Variants in NRG1 observed in about 807,000 individuals in gnomAD.
NRG1 encodes pro-neuregulin-1, membrane-bound isoform.
In NRG1, 18 loss-of-function variants were observed where a neutral mutation model predicts 63.8. The observed-to-expected ratio is 0.28, with a 90% CI of 0.19 to 0.42. The LOEUF (loss-of-function observed/expected upper bound fraction) is 0.42. Among genes scored for constraint, NRG1 ranks in the 10% least tolerant of loss-of-function variants. The pLI, the probability that NRG1 is intolerant of heterozygous loss-of-function variation, is 1.00. For synonymous variants in NRG1, 302 were observed against 301.3 expected, an observed-to-expected ratio of 1.00 and a Z score of -0.02; for missense variants, 762 against 814.7, an observed-to-expected ratio of 0.94 and a Z score of 0.79.
chr8:32,673,175 C>T (rs188540689), intron 5 of NRG1, among the ~76,000 whole-genome samples: 124 of 152,210 alleles, frequency 8.1e-4, no homozygotes, highest in African/African-American at 2.6e-3. Context: ...GAGCAAATAC[C>T]GCTGATCTAG....
In NRG1 at chr8:32,412,438, A is replaced by G. The variant is rs1318100541; in HGVS notation, c.38-183390A>G. ...TCTCTCTCTACATATATATATATAT[A>G]TATATATATATATACATATATATAT... On this transcript the variant is annotated intron_variant, in intron 1 of 10. Transcript: ENST00000519301. Among the ~76,000 whole-genome samples, 62 of 44,126 alleles carry G rather than the reference A, an allele frequency of 1.4e-3. 1 individual carries two copies. Among genetic ancestry groups the G allele is most frequent in the African/African-American group, 3.1e-3 (51 of 16,584 alleles). The allele number at this position is 44,126 out of a possible 152,430, so 28.9% of individuals were successfully genotyped here.
intron 1 of NRG1, among the ~76,000 whole-genome samples, chr8:32,230,514 A>G (rs1043504883): frequency 6.6e-6 from 1 of 152,170 alleles, no homozygotes; most frequent in African/African-American, 2.4e-5. Flanking sequence ...AACTCAGGGA[A>G]GTTAATCCTG....
intron 1 of NRG1, among the ~76,000 whole-genome samples, chr8:32,370,974 G>A (rs988078897): frequency 4.6e-5 from 7 of 151,714 alleles, no homozygotes; most frequent in African/African-American, 1.7e-4. Flanking sequence ...CACTTTAGGA[G>A]GCTGAGGCAG....
chr8:32,251,971 ATGTT>A (rs1419739054), intron 1 of NRG1, among the ~76,000 whole-genome samples: 2 of 151,940 alleles, frequency 1.3e-5, no homozygotes, highest in Non-Finnish European at 2.9e-5. Context: ...ATTTTTTCAT[ATGTT>A]TGTTAGCCAC....
chr8:32,187,720 AG>A (rs1842100285), intron 1 of NRG1, among the ~76,000 whole-genome samples: 1 of 151,840 alleles, frequency 6.6e-6, no homozygotes, highest in Admixed American at 6.6e-5. Context: ...AAGGTAGAGG[AG>A]GGGTGGCGCA....
Position 31,993,147 on chromosome 8 carries a change from C to G in NRG1, c.37+353716C>G, listed in dbSNP as rs562337265. ...AGTTACAAAGTCTGTGGGGTTGACT[C>G]GAGTAGAGGGTGGTTGATCAGTGTA... On this transcript the variant is annotated intron_variant, in intron 1 of 10. Transcript: ENST00000519301. 9.2e-5 allele frequency among the ~76,000 whole-genome samples: 14 copies of G among 151,926 alleles called. 1 individual carries two copies. In the South Asian group the frequency reaches 2.9e-3, roughly 32 times the overall value.
At chr8:32,508,879 C>T (rs1292143794) in intron 1 of NRG1, among the ~76,000 whole-genome samples, 1 of 151,660 alleles carries the variant, frequency 6.6e-6, no homozygotes, top group Non-Finnish European at 1.5e-5. Context: ...GGACTATAGG[C>T]ACACACCACC....
chr8:32,544,052 T>C (rs1832822519), upstream of NRG1, among the ~76,000 whole-genome samples: 1 of 152,194 alleles, frequency 6.6e-6, no homozygotes, highest in African/African-American at 2.4e-5. Context: ...TTGTGTGTAT[T>C]CCTTTTGATT....
At chr8:31,838,303 T>A (rs938229834) in intron 1 of NRG1, among the ~76,000 whole-genome samples, 1 of 152,142 alleles carries the variant, frequency 6.6e-6, no homozygotes, top group Non-Finnish European at 1.5e-5. Flanking sequence ...TTCCATGGAA[T>A]CTGCCTATTC....
intron 1 of NRG1, among the ~76,000 whole-genome samples, chr8:32,196,943 CTT>C (rs773398472): frequency 1.6e-3 from 44 of 27,422 alleles, no homozygotes; most frequent in South Asian, 2.7e-3. Context: ...TCAGAACATT[CTT>C]TTTTTTTTTT....
intron 1 of NRG1, among the ~76,000 whole-genome samples, chr8:31,714,133 CTA>C (rs1471319484): frequency 6.6e-6 from 1 of 152,134 alleles, no homozygotes; most frequent in African/African-American, 2.4e-5. Flanking sequence ...CTTTGGGAGA[CTA>C]TGTATGCTTG....
At chr8:31,936,846 C>T (rs1169392405) in intron 1 of NRG1, among the ~76,000 whole-genome samples, 1 of 151,988 alleles carries the variant, frequency 6.6e-6, no homozygotes, top group African/African-American at 2.4e-5. Flanking sequence ...AAATGCATGT[C>T]ATAAGAACTT....
At chr8:32,261,797 T>C (rs971726684) in intron 1 of NRG1, among the ~76,000 whole-genome samples, 1 of 152,212 alleles carries the variant, frequency 6.6e-6, no homozygotes, top group African/African-American at 2.4e-5. Flanking sequence ...TGAGTGTTAA[T>C]ATATGCATGT....
At chr8:31,806,623 C>A (rs915949976) in intron 1 of NRG1, among the ~76,000 whole-genome samples, 1 of 152,164 alleles carries the variant, frequency 6.6e-6, no homozygotes, top group Admixed American at 6.5e-5. Flanking sequence ...AATACCCTTT[C>A]TTCTTTGCTA....
chr8:32,773,388 G>A (rs1467460993), intron 7 of NRG1, among the ~76,000 whole-genome samples: 1 of 152,122 alleles, frequency 6.6e-6, no homozygotes, highest in Non-Finnish European at 1.5e-5. Context: ...TATTAATGCA[G>A]AGTCAGTGAG....
chr8:31,691,088 G>C (rs528450865), intron 1 of NRG1, among the ~76,000 whole-genome samples: 2 of 152,240 alleles, frequency 1.3e-5, no homozygotes, highest in African/African-American at 4.8e-5. Flanking sequence ...GGTAAGAAGG[G>C]AAACCAACCA....
intron 1 of NRG1, among the ~76,000 whole-genome samples, chr8:32,106,752 TA>T (rs775161585): frequency 1.3e-5 from 2 of 151,928 alleles, no homozygotes; most frequent in African/African-American, 4.8e-5. Context: ...ACTCCCTTTT[TA>T]AAAAAAATGG....
chr8:32,134,387 G>A lies in NRG1; in HGVS notation c.38-461441G>A, dbSNP rs186335553. ...GAAGTAGTTCGTCTTCAAAATAAAG[G>A]CCTCCAGATGGCCAGATACCTTTCA... is the stretch of plus-strand genomic sequence containing the variant. On this transcript the variant is annotated intron_variant, in intron 1 of 10. Transcript: ENST00000519301. Among the ~76,000 whole-genome samples the A allele has an allele frequency of 3.0e-3, 457 of 152,048 alleles. 2 individuals carry two copies. Among genetic ancestry groups the A allele is most frequent in the African/African-American group, 0.011 (444 of 41,506 alleles).
rs1424319888 is a variant in NRG1 at position 32,298,844 on chromosome 8, T to C, written c.38-296984T>C. ...GAGATCAAGAACATCCTGACCAACA[T>C]TGTGAAACCCCGTCTCTACTAAAAA... is the stretch of plus-strand genomic sequence containing the variant. On this transcript the variant is annotated intron_variant, in intron 1 of 10. Coordinates refer to the NRG1 transcript ENST00000519301. Among the ~76,000 whole-genome samples, 4 of 150,840 alleles carry C rather than the reference T, an allele frequency of 2.7e-5. No homozygotes were observed. The East Asian group carries it at 5.9e-4, about 22-fold the overall frequency.
Sources: allele counts gnomAD v4.1 joint callset (sites outside exome capture counted in the v4.1 genomes callset), GRCh38; gene constraint gnomAD v4.1.1; transcripts MANE v1.5; gene names NCBI Gene and HGNC (gene_info 2026-07-23, HGNC 2026-07-21).